Variants in NRXN3 observed in about 807,000 individuals in gnomAD.
The protein encoded by NRXN3 is neurexin 3, also known as neurexin III.
A neutral mutation model predicts 137.6 loss-of-function variants in NRXN3; 32 were observed. That is an observed-to-expected ratio of 0.23 (90% CI 0.18 to 0.31). The LOEUF (loss-of-function observed/expected upper bound fraction) is 0.31. Among genes scored for constraint, NRXN3 ranks in the 10% least tolerant of loss-of-function variants. The pLI is 1.00. For synonymous variants in NRXN3, 798 were observed against 784.5 expected (o/e 1.02, Z -0.29); for missense variants, 1,574 against 2,062.5 (o/e 0.76, Z 4.59).
Position 78,370,663 on chromosome 14 carries a change from TTTGAGCAA to T in NRXN3, c.757+72805_757+72812del, listed in dbSNP as rs2086672802. On this transcript the variant is annotated intron_variant, in intron 4 of 20. Coordinates refer to ENST00000335750, the MANE Select transcript of NRXN3 (RefSeq NM_001330195.2). ...TGTCAATTTTATACCACTCTAATAC[TTTGAGCAA>T]TGCCAATTATATTGTTATTGCCATA... Among the ~76,000 whole-genome samples, 3 of 152,198 alleles carry T rather than the reference TTTGAGCAA, an allele frequency of 2.0e-5. No homozygotes were observed. In the South Asian group the frequency reaches 6.2e-4, roughly 32 times the overall value.
intron 15 of NRXN3, among the ~76,000 whole-genome samples, chr14:79,185,626 C>T (rs1000624235): frequency 4.6e-5 from 7 of 151,924 alleles, no homozygotes; most frequent in Admixed American, 1.3e-4. Flanking sequence ...CCACCACGCC[C>T]GGCTAATTTT....
intron 4 of NRXN3, among the ~76,000 whole-genome samples, chr14:78,384,775 TG>T (rs1451647379): frequency 6.6e-6 from 1 of 152,170 alleles, no homozygotes; most frequent in East Asian, 1.9e-4. Context: ...AGGAAACAAC[TG>T]GATTCTGCAA....
chr14:79,588,365 G>A (rs2097777901), intron 16 of NRXN3, among the ~76,000 whole-genome samples: 1 of 152,114 alleles, frequency 6.6e-6, no homozygotes, highest in Admixed American at 6.5e-5. Context: ...ACTCAAATCT[G>A]CTTCATCATT....
Position 78,661,928 on chromosome 14 carries a change from C to T in NRXN3, c.1221+10602C>T, listed in dbSNP as rs538559447. Among the ~76,000 whole-genome samples the T allele has an allele frequency of 7.8e-3, 1,151 of 147,582 alleles. 18 individuals carry two copies. Among genetic ancestry groups the T allele is most frequent in the South Asian group, 0.014 (66 of 4,648 alleles). On this transcript the variant is annotated intron_variant, in intron 6 of 20. Coordinates refer to ENST00000335750, the MANE Select transcript of NRXN3 (RefSeq NM_001330195.2). ...TTTCTGAGACAGTGTCTTGCTCTGT[C>T]GTCCAGGCTGGAGTGCAGTGGTGCA...
intron 16 of NRXN3, among the ~76,000 whole-genome samples, chr14:79,589,754 C>T (rs1422266470): frequency 6.6e-6 from 1 of 151,786 alleles, no homozygotes; most frequent in African/African-American, 2.4e-5. Context: ...TATATTTACT[C>T]AGGGTTAACA....
At chr14:79,383,500 T>C (rs1485687245) in intron 15 of NRXN3, among the ~76,000 whole-genome samples, 2 of 152,182 alleles carry the variant, frequency 1.3e-5, no homozygotes, top group East Asian at 3.9e-4. Flanking sequence ...TTGGCAACTA[T>C]TTTTTCATAG....
chr14:78,332,616 T>A (rs565133072), intron 4 of NRXN3, among the ~76,000 whole-genome samples: 4 of 152,132 alleles, frequency 2.6e-5, no homozygotes, highest in Non-Finnish European at 5.9e-5. Flanking sequence ...ACCCAGCCTG[T>A]ACCATATTTT....
intron 6 of NRXN3, among the ~76,000 whole-genome samples, chr14:78,705,037 G>A (rs555858155): frequency 2.6e-5 from 4 of 152,152 alleles, no homozygotes; most frequent in African/African-American, 4.8e-5. Context: ...TGTCCAAACA[G>A]CAGTCTTTAC....
At chr14:79,420,402 C>A (rs1044114345) in intron 15 of NRXN3, among the ~76,000 whole-genome samples, 42 of 152,076 alleles carry the variant, frequency 2.8e-4, no homozygotes, top group Non-Finnish European at 2.8e-4. Flanking sequence ...CAGACCTTGG[C>A]AAATATCTTG....
chr14:79,237,499 G>T (rs572161745), intron 15 of NRXN3, among the ~76,000 whole-genome samples: 1 of 152,104 alleles, frequency 6.6e-6, no homozygotes, highest in African/African-American at 2.4e-5. Context: ...GCTGTGGAAG[G>T]CATGGAGTTT....
chr14:79,418,357 G>C (rs752771698), intron 15 of NRXN3, among the ~76,000 whole-genome samples: 11 of 152,144 alleles, frequency 7.2e-5, no homozygotes, highest in Admixed American at 3.9e-4. Context: ...TTGATCTGAC[G>C]TTTTGGCTCT....
chr14:78,332,321 T>C (rs1474433427), intron 4 of NRXN3, among the ~76,000 whole-genome samples: 1 of 21,578 alleles, frequency 4.6e-5, no homozygotes, highest in Non-Finnish European at 1.7e-4. Context: ...TCTTCTTCTT[T>C]TTTTTTTTTT....
intron 15 of NRXN3, among the ~76,000 whole-genome samples, chr14:79,241,099 A>C (rs1416241934): frequency 6.6e-6 from 1 of 152,174 alleles, no homozygotes; most frequent in African/African-American, 2.4e-5. Flanking sequence ...CTGTAGTTAA[A>C]ATAGTTGCTA....
At chr14:78,462,122 G>A in intron 4 of NRXN3, among the ~76,000 whole-genome samples, 1 of 152,186 alleles carries the variant, frequency 6.6e-6, no homozygotes, top group African/African-American at 2.4e-5. Flanking sequence ...TCAGCACATG[G>A]TCATTTGCTT....
intron 20 of NRXN3, among the ~76,000 whole-genome samples, chr14:79,821,685 T>G (rs1263163321): frequency 3.3e-5 from 5 of 150,188 alleles, no homozygotes; most frequent in African/African-American, 1.2e-4. Flanking sequence ...TTTTTTTTTT[T>G]GCATGTCTTT....
intron 15 of NRXN3, among the ~76,000 whole-genome samples, chr14:79,239,999 A>G (rs1437153524): frequency 1.3e-5 from 2 of 152,142 alleles, no homozygotes; most frequent in Non-Finnish European, 2.9e-5. Context: ...TGGTTACCAG[A>G]AGTAGTGGGT....
intron 10 of NRXN3, among the ~76,000 whole-genome samples, chr14:78,888,773 C>G (rs994316995): frequency 2.0e-5 from 3 of 151,584 alleles, no homozygotes; most frequent in Admixed American, 6.6e-5. Flanking sequence ...TAAGAAATTA[C>G]CTGGTAGCTT....
At chr14:78,730,896 C>T (rs546616647) in intron 8 of NRXN3, among the ~76,000 whole-genome samples, 11 of 152,282 alleles carry the variant, frequency 7.2e-5, no homozygotes, top group East Asian at 3.9e-4. Flanking sequence ...TTTCTGCAGG[C>T]GGAGATTGAT....
At chr14:78,500,350 G>T (rs1329325221) in intron 4 of NRXN3, among the ~76,000 whole-genome samples, 1 of 152,070 alleles carries the variant, frequency 6.6e-6, no homozygotes, top group African/African-American at 2.4e-5. Context: ...ATTGTCAGTG[G>T]GCAGTAGCCT....
Sources: allele counts gnomAD v4.1 joint callset (sites outside exome capture counted in the v4.1 genomes callset), GRCh38; gene constraint gnomAD v4.1.1; transcripts MANE v1.5; gene names NCBI Gene and HGNC (gene_info 2026-07-23, HGNC 2026-07-21).